The following PKHD1L1 variants were observed in gnomAD, a reference collection of about 807,000 sequenced individuals.
PKHD1L1 encodes PKHD1 like 1.
PKHD1L1 carries 434 observed loss-of-function variants against 462.9 expected under a neutral mutation model. The observed-to-expected ratio is 0.94, with a 90% CI of 0.87 to 1.02. The LOEUF is 1.02. Among genes scored for constraint, PKHD1L1 ranks in the 50% least tolerant of loss-of-function variants. The pLI, the probability that PKHD1L1 is intolerant of heterozygous loss-of-function variation, is 0.00. For synonymous variants in PKHD1L1, 1,781 were observed against 1,750.0 expected (o/e 1.02, Z -0.44); for missense variants, 5,202 against 5,096.1 (o/e 1.02, Z -0.63).
In PKHD1L1 at chr8:109,389,234, C is replaced by T; in HGVS notation, c.697+82C>T. On this transcript the variant is annotated intron_variant, in intron 8 of 77. Transcript: ENST00000378402. Reference sequence around the variant, plus strand: ...GTTTTGTATTCTCCTAGACCTCCCTCCTCTGCCCTTTTGGATCAGGTGTTT... The same window carrying T: ...GTTTTGTATTCTCCTAGACCTCCCTTCTCTGCCCTTTTGGATCAGGTGTTT... 3 of 1,055,950 alleles carry T rather than the reference C, an allele frequency of 2.8e-6. No individual in the cohort carries two copies. In the Admixed American group the frequency reaches 7.1e-5, roughly 25 times the overall value. The allele number at this position is 1,055,950 out of a possible 1,614,324, so 65.4% of individuals were successfully genotyped here.
rs923931805 is a variant in PKHD1L1, at chr8:109,480,045, G to A, written c.9233G>A (p.Trp3078Ter). 3.8e-6 allele frequency: 6 copies of A among 1,594,438 alleles called. No homozygotes were observed. Among genetic ancestry groups the A allele is most frequent in the African/African-American group, 1.4e-5 (1 of 74,060 alleles). ...CCATCAATGGAAAGACTCATTATTT[G>A]GGGGGTTCTAGAACTGGAAGATAAA... ...DMPSMERLII[W>*]GVLELEDKYN... is the part of the protein sequence containing the mutation. The change falls in exon 55 of 78, where the codon TGG (tryptophan) becomes TAG (stop). Residue 3078 changes from tryptophan to a stop codon, truncating the protein, a stop_gained. Coordinates refer to ENST00000378402, the MANE Select transcript of PKHD1L1 (RefSeq NM_177531.6). LOFTEE classifies it high-confidence loss of function.
At position 109,382,148 on chromosome 8, in the gene PKHD1L1, C is replaced by T. The variant is rs146083566; in HGVS notation, c.309-315C>T. 6.3e-3 allele frequency among the ~76,000 whole-genome samples: 963 copies of T among 152,012 alleles called. 7 individuals are homozygous for T. Among genetic ancestry groups the T allele is most frequent in the Middle Eastern group, 0.051 (15 of 294 alleles). On this transcript the variant is annotated intron_variant, in intron 3 of 77. Transcript: ENST00000378402. ...CAAAGCATGGAATAACTGATTGTACCGAGGTGATATGTTACTATTTTAAAT... is the reference window on the plus strand; with the variant it reads ...CAAAGCATGGAATAACTGATTGTACTGAGGTGATATGTTACTATTTTAAAT...
chr8:109,384,074 A>G lies in PKHD1L1; in HGVS notation c.422A>G (p.Lys141Arg), dbSNP rs754677984. ...INSWECTFNA[K>R]SFRTPTIRSI... ...TTGACATTATTCTTTTTACAGGCAA[A>G]AAGTTTTAGAACCCCAACAATAAGA... The change falls in exon 5 of 78, where the codon AAA (lysine) becomes AGA (arginine). Residue 141 changes from lysine to arginine, a missense_variant. This residue lies in a region of PKHD1L1 where 4,497 missense variants were observed against 4,336.8 expected (regional missense o/e 1.04). Coordinates refer to ENST00000378402, the MANE Select transcript of PKHD1L1 (RefSeq NM_177531.6). 8 of 1,607,520 alleles carry G rather than the reference A, an allele frequency of 5.0e-6. No individual in the cohort carries two copies. Among genetic ancestry groups the G allele is most frequent in the Middle Eastern group, 1.7e-4 (1 of 6,040 alleles).
chr8:109,462,139 T>C (rs143499928), intron 48 of PKHD1L1, among the ~76,000 whole-genome samples: 13 of 152,126 alleles, frequency 8.5e-5, no homozygotes, highest in African/African-American at 2.9e-4. Context: ...ACCCACAAAA[T>C]GCTGTAACCA....
At chr8:109,515,085 G>A in intron 71 of PKHD1L1, 85 bp from the exon 72 acceptor site, 21 of 1,091,456 alleles carry the variant, frequency 1.9e-5, no homozygotes, top group Non-Finnish European at 2.6e-5. Flanking sequence ...TTTGCAGAAA[G>A]TATACAATAT....
intron 17 of PKHD1L1, among the ~76,000 whole-genome samples, chr8:109,406,928 TAA>T (rs35094855): frequency 2.0e-5 from 3 of 148,920 alleles, no homozygotes; most frequent in African/African-American, 4.9e-5. Context: ...CCTGCAGTAT[TAA>T]AAAAAAAAGG....
chr8:109,527,724 C>G (rs931207899), intron 77 of PKHD1L1, among the ~76,000 whole-genome samples: 9 of 152,124 alleles, frequency 5.9e-5, no homozygotes, highest in Non-Finnish European at 2.9e-5. Context: ...CTCTTCTTCT[C>G]TTGGCTCCAC....
intron 2 of PKHD1L1, among the ~76,000 whole-genome samples, chr8:109,370,653 A>C (rs1252748415): frequency 6.6e-6 from 1 of 151,574 alleles, no homozygotes; most frequent in East Asian, 1.9e-4. Context: ...TGCTATCCCT[A>C]CCCCCTACCC....
At chr8:109,411,586 C>G (rs1813858646) in intron 19 of PKHD1L1, among the ~76,000 whole-genome samples, 1 of 152,184 alleles carries the variant, frequency 6.6e-6, no homozygotes, top group Non-Finnish European at 1.5e-5. Flanking sequence ...TCACCACCCT[C>G]ACATGCATTT....
chr8:109,382,590 T>C lies in PKHD1L1; in HGVS notation c.417+19T>C. ...CTTCAACGTATGTAGGAATCTTCTC[T>C]TCAGTTTATGTATAGTTGATCTTGC... is the stretch of plus-strand genomic sequence containing the variant. On this transcript the variant is annotated intron_variant, in intron 4 of 77. Coordinates refer to ENST00000378402, the MANE Select transcript of PKHD1L1 (RefSeq NM_177531.6). The C allele has an allele frequency of 6.3e-7, 1 of 1,587,790 alleles. No homozygotes were observed. The highest frequency in any genetic ancestry group is 1.4e-5 in the African/African-American group (1 of 73,844).
chr8:109,517,747 T>G (rs1820346505), intron 72 of PKHD1L1, among the ~76,000 whole-genome samples: 1 of 152,164 alleles, frequency 6.6e-6, no homozygotes, highest in Admixed American at 6.6e-5. Context: ...CTTTTAAGAG[T>G]TGGCATATAG....
intron 2 of PKHD1L1, among the ~76,000 whole-genome samples, chr8:109,366,927 C>T (rs1051029103): frequency 6.6e-6 from 1 of 152,096 alleles, no homozygotes; most frequent in Middle Eastern, 3.4e-3. Flanking sequence ...CTCCTGACTT[C>T]GTGATCTGCC....
intron 43 of PKHD1L1, 118 bp downstream of exon 43, chr8:109,452,992 T>C (rs1816623939): frequency 2.3e-6 from 2 of 858,460 alleles, no homozygotes; most frequent in Non-Finnish European, 3.2e-6. Context: ...TAATATACAG[T>C]GTAGTCCTGG....
Position 109,465,066 on chromosome 8 carries a change from A to T in PKHD1L1, c.8234A>T (p.Asn2745Ile). 8.1e-6 allele frequency: 13 copies of T among 1,613,686 alleles called. No individual in the cohort carries two copies. Among genetic ancestry groups the T allele is most frequent in the Non-Finnish European group, 1.1e-5 (13 of 1,179,762 alleles). Reference sequence around the variant, plus strand: ...ACTGTCTCTTCTGTGCACTTTATGAACTTTGACCGTCCCAACTGTGTAGCT... The same window carrying T: ...ACTGTCTCTTCTGTGCACTTTATGATCTTTGACCGTCCCAACTGTGTAGCT... The part of the protein sequence containing the change: ...GLTVSSVHFM[N>I]FDRPNCVALG... The change falls in exon 49 of 78, where the codon AAC (asparagine) becomes ATC (isoleucine). Residue 2745 changes from asparagine to isoleucine, a missense_variant. Around this residue, in one of 3 missense-constraint regions of PKHD1L1, gnomAD observed 4,497 missense variants for 4,336.8 expected, o/e 1.04. Transcript: ENST00000378402.
At chr8:109,513,347 C>A (rs1298011614) in intron 71 of PKHD1L1, among the ~76,000 whole-genome samples, 5 of 152,082 alleles carry the variant, frequency 3.3e-5, no homozygotes, top group Non-Finnish European at 7.4e-5. Flanking sequence ...CAAAACTGAT[C>A]ACTTGGAATT....
rs1225419060 is a variant in PKHD1L1 at position 109,464,298 on chromosome 8, A to G, written c.7466A>G (p.Tyr2489Cys). The change falls in exon 49 of 78, where the codon TAT (tyrosine) becomes TGT (cysteine). Residue 2489 changes from tyrosine to cysteine, a missense_variant. Tyr to Cys is a radical substitution (Grantham distance 194). Transcript: ENST00000378402. The part of the protein sequence containing the change: ...HLLGDLQFKS[Y>C]VRGCAIHQAY... ...CTTGGAGACTTACAGTTTAAATCTT[A>G]TGTAAGAGGCTGTGCAATTCACCAG... 1.2e-6 allele frequency: 2 copies of G among 1,613,160 alleles called. No homozygotes were observed. The highest frequency in any genetic ancestry group is 1.7e-6 in the Non-Finnish European group (2 of 1,179,508).
chr8:109,520,317 C>T (rs1274689434), intron 73 of PKHD1L1, among the ~76,000 whole-genome samples: 1 of 152,078 alleles, frequency 6.6e-6, no homozygotes, highest in African/African-American at 2.4e-5. Context: ...ATACAGATTA[C>T]TCACCTACTC....
chr8:109,401,529 C>T lies in PKHD1L1; in HGVS notation c.1314C>T (p.Asn438=). The T allele has an allele frequency of 6.3e-7, 1 of 1,595,050 alleles. No individual in the cohort carries two copies. The highest frequency in any genetic ancestry group is 8.6e-7 in the Non-Finnish European group (1 of 1,164,306). Residue 438 remains asparagine, a synonymous_variant, in exon 14 of 78, where the codon AAC becomes AAT. Coordinates refer to ENST00000378402, the MANE Select transcript of PKHD1L1 (RefSeq NM_177531.6). ...TTGCATATCATTCTGCTAATGCCAA[C>T]AGTTATTTTTCCAGTCCAACACAAA... ...VRIAYHSANA[N]SYFSSPTQRS...
chr8:109,430,405 G>C (rs542477806), intron 27 of PKHD1L1, among the ~76,000 whole-genome samples: 2 of 152,056 alleles, frequency 1.3e-5, no homozygotes, highest in Non-Finnish European at 2.9e-5. Flanking sequence ...TATTCTATGA[G>C]ACCACTTCCT....
Sources: allele counts gnomAD v4.1 joint callset (sites outside exome capture counted in the v4.1 genomes callset), GRCh38; gene constraint gnomAD v4.1.1; regional missense constraint gnomAD v4.1.1; transcripts MANE v1.5; gene names NCBI Gene and HGNC (gene_info 2026-07-23, HGNC 2026-07-21).